Variants in SYNPO2 observed in about 807,000 individuals in gnomAD.
SYNPO2 encodes the protein synaptopodin 2, also known as synaptopodin-2.
A neutral mutation model predicts 85.0 loss-of-function variants in SYNPO2; 56 were observed. The ratio of observed to expected loss-of-function variants is 0.66; its 90% CI spans 0.53 to 0.82. The LOEUF (loss-of-function observed/expected upper bound fraction) is 0.82, where lower values mean the gene tolerates loss of function less well. Among genes scored for constraint, SYNPO2 ranks in the 40% least tolerant of loss-of-function variants. The probability of loss-of-function intolerance (pLI) is 0.00; values close to 1 mark genes in which losing one functional copy is unlikely to be tolerated. For synonymous variants in SYNPO2, 602 were observed against 591.1 expected (o/e 1.02, Z -0.27); for missense variants, 1,575 against 1,534.2 (o/e 1.03, Z -0.44).
In SYNPO2 at chr4:119,053,422, G is replaced by A. The variant is rs142468307; in HGVS notation, c.3253-3979G>A. Among the ~76,000 whole-genome samples the A allele has an allele frequency of 2.7e-3, 405 of 152,296 alleles. 2 individuals carry two copies. Among genetic ancestry groups the A allele is most frequent in the African/African-American group, 9.6e-3 (398 of 41,560 alleles). On this transcript the variant is annotated intron_variant, in intron 4 of 4. Coordinates refer to ENST00000307142, the MANE Select transcript of SYNPO2 (RefSeq NM_133477.3). ...TACTAGCACTTGAAAGAATGTGAAG[G>A]CATGTTCGTCAGTCTGGGGAAATGT...
At chr4:118,961,109 C>CCCA (rs1553941441) in intron 1 of SYNPO2, among the ~76,000 whole-genome samples, 10 of 121,174 alleles carry the variant, frequency 8.3e-5, no homozygotes, top group African/African-American at 2.2e-4. Flanking sequence ...GCCCCCCCCC[C>CCCA]ACCCCTCCAG....
chr4:119,029,710 T>A (rs1738128943), intron 3 of SYNPO2, 135 bp from the exon 4 acceptor site: 1 of 821,020 alleles, frequency 1.2e-6, no homozygotes, highest in African/African-American at 1.7e-5. Flanking sequence ...TGTGTTGGAT[T>A]CCTTCAAAAT....
At chr4:118,901,941 G>A (rs916232887) in intron 1 of SYNPO2, among the ~76,000 whole-genome samples, 1 of 152,190 alleles carries the variant, frequency 6.6e-6, no homozygotes, top group Non-Finnish European at 1.5e-5. Context: ...AGAATCCAGT[G>A]GGCTTGTTAG....
At chr4:118,910,996 A>T (rs1207094775) in intron 1 of SYNPO2, among the ~76,000 whole-genome samples, 1 of 152,130 alleles carries the variant, frequency 6.6e-6, no homozygotes, top group Non-Finnish European at 1.5e-5. Flanking sequence ...GACTTTTCCC[A>T]AGTGTATGTA....
At chr4:119,041,397 A>G (rs1738711408) in intron 4 of SYNPO2, among the ~76,000 whole-genome samples, 1 of 152,198 alleles carries the variant, frequency 6.6e-6, no homozygotes, top group Non-Finnish European at 1.5e-5. Context: ...AAGAATCTCT[A>G]AGGAATTGGT....
chr4:119,032,498 C>G, intron 4 of SYNPO2: 1 of 1,021,362 alleles, frequency 9.8e-7, no homozygotes, highest in African/African-American at 1.7e-5. Flanking sequence ...ATCTCTATTA[C>G]TAGTGTTAAA....
intron 4 of SYNPO2, among the ~76,000 whole-genome samples, chr4:119,047,625 G>A (rs1423873202): frequency 1.3e-5 from 2 of 152,160 alleles, no homozygotes; most frequent in Non-Finnish European, 2.9e-5. Flanking sequence ...ATTGAGACTA[G>A]AACAAAATGA....
At chr4:118,905,761 A>G (rs892145634) in intron 1 of SYNPO2, among the ~76,000 whole-genome samples, 11 of 152,222 alleles carry the variant, frequency 7.2e-5, no homozygotes, top group African/African-American at 2.6e-4. Context: ...GTTCTCCTGA[A>G]TGTGTCATCC....
At chr4:118,858,321 A>G (rs1731545144) in intron 1 of SYNPO2, among the ~76,000 whole-genome samples, 1 of 152,252 alleles carries the variant, frequency 6.6e-6, no homozygotes, top group African/African-American at 2.4e-5. Context: ...GAGTCTTGAA[A>G]ATAATAATCA....
chr4:118,967,289 A>G (rs1383531720), intron 1 of SYNPO2, among the ~76,000 whole-genome samples: 1 of 152,064 alleles, frequency 6.6e-6, no homozygotes, highest in African/African-American at 2.4e-5. Context: ...TCTGCGGAGG[A>G]ACCACGTAAA....
chr4:118,925,574 G>A (rs551782171), intron 1 of SYNPO2, among the ~76,000 whole-genome samples: 1 of 152,202 alleles, frequency 6.6e-6, no homozygotes, highest in African/African-American at 2.4e-5. Flanking sequence ...TAAGGACAGA[G>A]GCCTAGATAT....
intron 1 of SYNPO2, among the ~76,000 whole-genome samples, chr4:118,978,427 A>G (rs1735873966): frequency 6.6e-6 from 1 of 152,238 alleles, no homozygotes; most frequent in South Asian, 2.1e-4. Flanking sequence ...AAAACACAAA[A>G]GAGTTGGGTC....
intron 1 of SYNPO2, among the ~76,000 whole-genome samples, chr4:119,015,882 G>C (rs1737507015): frequency 6.6e-6 from 1 of 152,110 alleles, no homozygotes; most frequent in Non-Finnish European, 1.5e-5. Context: ...ATTTTCATGT[G>C]TTTTTAAATT....
At position 119,027,233 on chromosome 4, in the gene SYNPO2, C is replaced by T. The variant is rs748196784; in HGVS notation, c.864C>T (p.Leu288=). The T allele has an allele frequency of 2.4e-5, 39 of 1,614,064 alleles. No individual in the cohort carries two copies. The highest frequency in any genetic ancestry group is 1.6e-4 in the Middle Eastern group (1 of 6,062). ...DAGLPRVEVI[L]DCSDRQKTEG... is the part of the protein sequence containing the mutation. ...GACTGCCCCGGGTGGAAGTGATCCTCGACTGCTCTGACAGGCAGAAGACAG... is the reference window on the plus strand; with the variant it reads ...GACTGCCCCGGGTGGAAGTGATCCTTGACTGCTCTGACAGGCAGAAGACAG... Residue 288 remains leucine (L), a synonymous_variant, in exon 3 of 5, where the codon CTC becomes CTT. Transcript: ENST00000307142.
intron 1 of SYNPO2, among the ~76,000 whole-genome samples, chr4:118,923,229 T>G (rs1733596501): frequency 6.6e-6 from 1 of 151,990 alleles, no homozygotes; most frequent in Non-Finnish European, 1.5e-5. Context: ...AAGAACAAGA[T>G]CATGACCTTT....
intron 1 of SYNPO2, among the ~76,000 whole-genome samples, chr4:118,997,654 T>C (rs899985485): frequency 9.2e-5 from 14 of 152,352 alleles, no homozygotes; most frequent in Non-Finnish European, 1.6e-4. Flanking sequence ...TCTGCTCACC[T>C]CTGCAGTTGA....
At chr4:118,851,510 C>G (rs970567685) in intron 1 of SYNPO2, among the ~76,000 whole-genome samples, 1 of 151,842 alleles carries the variant, frequency 6.6e-6, no homozygotes, top group African/African-American at 2.4e-5. Flanking sequence ...AAAACAAAAA[C>G]GAAGATTGAG....
At chr4:119,007,261 T>TATGTATATACATATATATGTATATAC (rs1737099778) in intron 1 of SYNPO2, among the ~76,000 whole-genome samples, 5 of 29,362 alleles carry the variant, frequency 1.7e-4, no homozygotes, top group African/African-American at 5.0e-4. Context: ...TACATATATA[T>TATGTATATACATATATATGTATATAC]ATATATATAT....
At chr4:118,887,166 A>AGAGTGTGTGTGTGTGT (rs57115153), upstream of SYNPO2, among the ~76,000 whole-genome samples, 14 of 139,058 alleles carry the variant, frequency 1.0e-4, no homozygotes, top group African/African-American at 2.5e-4. Context: ...CATCTGAGTG[A>AGAGTGTGTGTGTGTGT]GTGTGTGTGT....
Sources: gnomAD v4.1 joint callset for allele counts (sites outside exome capture counted in the v4.1 genomes callset) on GRCh38, gnomAD v4.1.1 for gene constraint, MANE v1.5 for transcripts, NCBI Gene and HGNC (gene_info 2026-07-23, HGNC 2026-07-21) for gene names.